The following ZAN variants were observed in gnomAD, a reference collection of about 807,000 sequenced individuals.
ZAN encodes zonadhesin (gene/pseudogene).
In ZAN, 260 loss-of-function variants were observed where a neutral mutation model predicts 286.2. The ratio of observed to expected loss-of-function variants is 0.91; its 90% CI spans 0.82 to 1.01. ZAN has a LOEUF of 1.01. Ranked by LOEUF, ZAN falls within the 50% of genes least tolerant of loss-of-function variation. ZAN has a pLI of 0.00. For missense variants in ZAN, 3,410 were observed against 3,639.2 expected (o/e 0.94, Z 1.62); for synonymous variants, 1,368 against 1,417.5 (o/e 0.97, Z 0.79).
rs5886134 is a variant in ZAN, at chr7:100,781,652, C to CTT, written c.6622+1919_6622+1920dup. Among the ~76,000 whole-genome samples, 253 of 128,242 alleles carry CTT rather than the reference C, an allele frequency of 2.0e-3. 4 individuals carry two copies. Among genetic ancestry groups the CTT allele is most frequent in the East Asian group, 4.1e-3 (18 of 4,434 alleles). The allele number at this position is 128,242 out of a possible 152,430, so 84.1% of individuals were successfully genotyped here. On this transcript the variant is annotated intron_variant, in intron 35 of 47. Coordinates refer to ENST00000613979, the MANE Select transcript of ZAN (RefSeq NM_003386.3). Reference sequence around the variant, plus strand: ...TGAGTTTTTATTTGACATTGCTATACTTTTTTTTTTTTTTTTTTGAGTCTC... The same window carrying CTT: ...TGAGTTTTTATTTGACATTGCTATACTTTTTTTTTTTTTTTTTTTTGAGTCTC...
At chr7:100,757,277 C>T (rs1227258947) in intron 15 of ZAN, among the ~76,000 whole-genome samples, 2 of 152,110 alleles carry the variant, frequency 1.3e-5, no homozygotes, top group Non-Finnish European at 2.9e-5. Flanking sequence ...AGTGGTGAAC[C>T]ACCACACCCA....
At position 100,765,429 on chromosome 7, in the gene ZAN, G is replaced by T. The variant is rs199628462; in HGVS notation, c.4345G>T (p.Gly1449Cys). 3.7e-6 allele frequency: 6 copies of T among 1,613,778 alleles called. No individual in the cohort carries two copies. The African/African-American group carries it at 8.0e-5, about 22-fold the overall frequency. ...TGACACCTGCCATTCAGGATTCTCC[G>T]GCATGTTCTGCTCAGACCGGTGCGT... ...CPDTCHSGFS[G>C]MFCSDRCVEA... The change falls in exon 23 of 48, where the codon GGC becomes TGC. Residue 1449 changes from glycine to cysteine, a missense_variant. Around this residue, in one of 7 missense-constraint regions of ZAN, gnomAD observed 1,042 missense variants for 1,058.0 expected, o/e 0.98. Coordinates refer to ENST00000613979, the MANE Select transcript of ZAN (RefSeq NM_003386.3).
rs1810051593 is a variant in ZAN at position 100,767,272 on chromosome 7, C to T, written c.4860+15C>T. Reference sequence around the variant, plus strand: ...GTAAGGTCATGGTGGGTGTCTTCCTCCTGCCTCCTGGACCCTGAACACCCA... The same window carrying T: ...GTAAGGTCATGGTGGGTGTCTTCCTTCTGCCTCCTGGACCCTGAACACCCA... On this transcript the variant is annotated intron_variant, in intron 25 of 47. Coordinates refer to ENST00000613979, the MANE Select transcript of ZAN (RefSeq NM_003386.3). 3 of 1,599,068 alleles carry T rather than the reference C, an allele frequency of 1.9e-6. No homozygotes were observed. Among genetic ancestry groups the T allele is most frequent in the South Asian group, 1.1e-5 (1 of 90,404 alleles).
rs1282122793 is a variant in ZAN at position 100,760,461 on chromosome 7, T to C, written c.3767T>C (p.Phe1256Ser). 1 of 1,613,928 alleles carries C rather than the reference T, an allele frequency of 6.2e-7. No homozygotes were observed. The highest frequency in any genetic ancestry group is 8.5e-7 in the Non-Finnish European group (1 of 1,179,876). ...GTCTTCCTGGGTGCAAGCGGGCGGT[T>C]TGTGGAGCTGCAGACGGAGTTCGGT... ...KGVFLGASGR[F>S]VELQTEFGLR... Residue 1256 changes from phenylalanine (F) to serine (S), a missense_variant, in exon 19 of 48, where the codon TTT becomes TCT. By Grantham distance (155) the Phe-to-Ser change is radical (BLOSUM62 -2). Coordinates refer to ENST00000613979, the MANE Select transcript of ZAN (RefSeq NM_003386.3).
In ZAN at chr7:100,793,975, C is replaced by G. The variant is rs1272077284; in HGVS notation, c.7943C>G (p.Pro2648Arg). 6.2e-7 allele frequency: 1 copy of G among 1,613,668 alleles called. No individual in the cohort carries two copies. Among genetic ancestry groups the G allele is most frequent in the African/African-American group, 1.3e-5 (1 of 74,934 alleles). The change falls in exon 43 of 48, where the codon CCC becomes CGC. Residue 2648 changes from proline to arginine, a missense_variant. Pro to Arg is a moderately radical substitution (Grantham distance 103, BLOSUM62 -2). Around this residue, in one of 7 missense-constraint regions of ZAN, gnomAD observed 1,289 missense variants for 1,314.3 expected, o/e 0.98. Transcript: ENST00000613979. The stretch of plus-strand genomic sequence containing the variant: ...TGCCTACAGTGGCACCCAGAGCCTC[C>G]CCTGGCTGACTGTGGCTGCACCAGC... Reference protein sequence around the residue: ...RLCLQWHPEPPLADCGCTSNG... With the variant: ...RLCLQWHPEPRLADCGCTSNG...
intron 29 of ZAN, among the ~76,000 whole-genome samples, chr7:100,772,613 A>T (rs1327147769): frequency 6.6e-6 from 1 of 151,822 alleles, no homozygotes; most frequent in Non-Finnish European, 1.5e-5. Flanking sequence ...CGAGGTCAGG[A>T]GATCGAGACC....
Position 100,767,164 on chromosome 7 carries a change from C to CCG in ZAN, c.4770_4771dup (p.Gly1591AlafsTer15). The CCG allele has an allele frequency of 6.2e-7, 1 of 1,613,900 alleles. No homozygotes were observed. The highest frequency in any genetic ancestry group is 1.1e-5 in the South Asian group (1 of 91,072). On this transcript the variant is annotated frameshift_variant, in exon 25 of 48. Coordinates refer to ENST00000613979, the MANE Select transcript of ZAN (RefSeq NM_003386.3). LOFTEE classifies it high-confidence loss of function. Reference sequence around the variant, plus strand: ...TTGTTGTGAGCGCCACCAACGAGAACCGCGGGGGGATCCTGGAGGTCTCCT... The same window carrying CCG: ...TTGTTGTGAGCGCCACCAACGAGAACCGCGCGGGGGGATCCTGGAGGTCTCCT...
At position 100,779,547 on chromosome 7, in the gene ZAN, A is replaced by G. The variant is rs1811051264; in HGVS notation, c.6419A>G (p.Lys2140Arg). 2.5e-6 allele frequency: 4 copies of G among 1,611,812 alleles called. No individual in the cohort carries two copies. The Admixed American group carries it at 5.0e-5, about 20-fold the overall frequency. Residue 2140 changes from lysine to arginine, a missense_variant, in exon 35 of 48, where the codon AAG (lysine) becomes AGG (arginine). Transcript: ENST00000613979. ...RAADLRRAREKCEAALRAPVW... is the reference protein window; with the variant it reads ...RAADLRRARERCEAALRAPVW... ...GCCGACCTCCGCAGGGCGCGGGAAA[A>G]GTGCGAGGCAGCGCTCCGGGCTCCT...
chr7:100,743,110 G>C (rs376405987), intron 7 of ZAN, among the ~76,000 whole-genome samples: 2 of 148,368 alleles, frequency 1.3e-5, no homozygotes, highest in African/African-American at 5.0e-5. Flanking sequence ...TGCAACCTCT[G>C]CCTTCCGGGT....
intron 25 of ZAN, 84 bp downstream of exon 25, chr7:100,767,341 A>G: frequency 2.0e-6 from 3 of 1,530,644 alleles, no homozygotes; most frequent in Non-Finnish European, 2.6e-6. Flanking sequence ...CCGGATGCCC[A>G]CCTCTCTGGC....
Position 100,779,724 on chromosome 7 carries a change from C to A in ZAN, c.6596C>A (p.Pro2199Gln), listed in dbSNP as rs187035372. The change falls in exon 35 of 48, where the codon CCA (proline) becomes CAA (glutamine). Residue 2199 changes from proline to glutamine, a missense_variant. Physicochemically the swap from Pro to Gln is moderately conservative, Grantham distance 76. This residue lies in a region of ZAN where 1,289 missense variants were observed against 1,314.3 expected (regional missense o/e 0.98). Coordinates refer to ENST00000613979, the MANE Select transcript of ZAN (RefSeq NM_003386.3). The stretch of plus-strand genomic sequence containing the variant: ...TGCCAGAGCCAGGGGCTCAAGCCCC[C>A]ACTCTGGAGAAACAGCAGCTTCTGC... ...ATCQSQGLKP[P>Q]LWRNSSFCPL... 2,579 of 1,555,482 alleles carry A rather than the reference C, an allele frequency of 1.7e-3. 46 individuals are homozygous for A. In the African/African-American group the frequency reaches 0.03, roughly 18 times the overall value.
intron 44 of ZAN, 21 bp downstream of exon 44, chr7:100,794,279 G>T: frequency 6.3e-7 from 1 of 1,575,170 alleles, no homozygotes; most frequent in Non-Finnish European, 8.6e-7. Context: ...ACTCCTGCCC[G>T]GTTCCAAGCT....
At position 100,789,243 on chromosome 7, in the gene ZAN, C is replaced by G. The variant is rs1280255715; in HGVS notation, c.7253C>G (p.Pro2418Arg). 6.2e-7 allele frequency: 1 copy of G among 1,613,692 alleles called. No homozygotes were observed. Among genetic ancestry groups the G allele is most frequent in the South Asian group, 1.1e-5 (1 of 91,052 alleles). The change falls in exon 39 of 48, where the codon CCC becomes CGC. Residue 2418 changes from proline to arginine, a missense_variant. By Grantham distance (103) the Pro-to-Arg change is moderately radical (BLOSUM62 -2). Around this residue, in one of 7 missense-constraint regions of ZAN, gnomAD observed 1,289 missense variants for 1,314.3 expected, o/e 0.98. Coordinates refer to ENST00000613979, the MANE Select transcript of ZAN (RefSeq NM_003386.3). ...LVVNNQKMAV[P>R]YRPNEHLRVT... ...GTCAACAACCAGAAGATGGCCGTCCCCTACAGGCCAAATGAACACCTGCGG... is the reference window on the plus strand; with the variant it reads ...GTCAACAACCAGAAGATGGCCGTCCGCTACAGGCCAAATGAACACCTGCGG...
At chr7:100,757,304 C>T (rs1809215027) in intron 15 of ZAN, among the ~76,000 whole-genome samples, 1 of 152,026 alleles carries the variant, frequency 6.6e-6, no homozygotes, top group African/African-American at 2.4e-5. Context: ...TTAGTACTTT[C>T]TACTCTGCTG....
At chr7:100,768,987 C>G (rs557109949) in intron 27 of ZAN, among the ~76,000 whole-genome samples, 4 of 152,136 alleles carry the variant, frequency 2.6e-5, no homozygotes, top group Non-Finnish European at 5.9e-5. Flanking sequence ...ACCCTGAGGT[C>G]TAGCCTTTTT....
Position 100,791,008 on chromosome 7 carries a change from G to GC in ZAN, c.7425dup (p.Lys2476GlnfsTer3). On this transcript the variant is annotated frameshift_variant, in exon 40 of 48. Transcript: ENST00000613979. LOFTEE classifies it high-confidence loss of function. ...CTGTGCGGAAACTACGACAAGAACC[G>GC]CAAGAATGACATGATGCTGCCCAGT... 1 of 1,611,846 alleles carries GC rather than the reference G, an allele frequency of 6.2e-7. No individual in the cohort carries two copies. The highest frequency in any genetic ancestry group is 8.5e-7 in the Non-Finnish European group (1 of 1,179,158).
chr7:100,736,352 C>A, intron 3 of ZAN, 131 bp from the exon 4 acceptor site: 3 of 1,074,570 alleles, frequency 2.8e-6, no homozygotes, highest in Non-Finnish European at 2.8e-6. Flanking sequence ...TACAGGTGTG[C>A]GCCACCACAC....
At chr7:100,751,686 C>T (rs770592551) in intron 13 of ZAN, 26 bp from the exon 14 acceptor site, 1 of 1,559,510 alleles carries the variant, frequency 6.4e-7, no homozygotes, top group Non-Finnish European at 8.6e-7. Flanking sequence ...TGACTAAACT[C>T]CAGGGATTCT....
At chr7:100,785,690 G>A (rs1485804519) in intron 36 of ZAN, among the ~76,000 whole-genome samples, 1 of 147,940 alleles carries the variant, frequency 6.8e-6, no homozygotes, top group Non-Finnish European at 1.5e-5. Context: ...ACAGAGTCTC[G>A]CTCTGTTGCC....
Sources: gnomAD v4.1 joint callset for allele counts (sites outside exome capture counted in the v4.1 genomes callset) on GRCh38, gnomAD v4.1.1 for gene constraint, gnomAD v4.1.1 regional missense constraint, MANE v1.5 for transcripts, NCBI Gene and HGNC (gene_info 2026-07-23, HGNC 2026-07-21) for gene names.